Variants in RPS6KA2 observed in about 807,000 individuals in gnomAD.
The protein encoded by RPS6KA2 is ribosomal protein S6 kinase A2, also known as ribosomal protein S6 kinase alpha-2.
RPS6KA2 carries 42 observed loss-of-function variants against 91.8 expected under a neutral mutation model. The ratio of observed to expected loss-of-function variants is 0.46; its 90% CI spans 0.36 to 0.59. The LOEUF (loss-of-function observed/expected upper bound fraction) is 0.59, where lower values mean the gene tolerates loss of function less well. Ranked by LOEUF, RPS6KA2 falls within the 20% of genes least tolerant of loss-of-function variation. RPS6KA2 has a pLI of 0.00. For synonymous variants in RPS6KA2, 414 were observed against 393.6 expected (o/e 1.05, Z -0.61); for missense variants, 798 against 978.5 (o/e 0.82, Z 2.46).
At position 166,635,595 on chromosome 6, in the gene RPS6KA2, T is replaced by C. The variant is rs577242837; in HGVS notation, c.124-96811A>G. Among the ~76,000 whole-genome samples, 9 of 152,082 alleles carry C rather than the reference T, an allele frequency of 5.9e-5. No homozygotes were observed. Among genetic ancestry groups the C allele is most frequent in the Admixed American group, 2.0e-4 (3 of 15,298 alleles). ...CATTTGGCTGCTGTGTGAGGGTGTG[T>C]TGGAGTGGGGACAGGGCAGAAGAGG... is the stretch of plus-strand genomic sequence containing the variant. On this transcript the variant is annotated intron_variant, in intron 2 of 21. Coordinates refer to the RPS6KA2 transcript ENST00000503859. This position sits in a 1 kb window ranked among gnomAD's most constrained non-coding sequence, Gnocchi z 4.8.
chr6:166,721,539 G>C (rs779028588), intron 2 of RPS6KA2, among the ~76,000 whole-genome samples: 14 of 152,236 alleles, frequency 9.2e-5, no homozygotes, highest in Non-Finnish European at 1.6e-4. Context: ...TTTCTTAACA[G>C]AAACTTTCTA....
rs1001438411 is a variant in RPS6KA2 at position 166,448,171 on chromosome 6, C to T, written c.1332+553G>A. Among the ~76,000 whole-genome samples, 4 of 152,170 alleles carry T rather than the reference C, an allele frequency of 2.6e-5. No homozygotes were observed. The highest frequency in any genetic ancestry group is 4.4e-5 in the Non-Finnish European group (3 of 68,040). ...TGTTCTTGACGGTTGGGAGTAAAAC[C>T]ATTAGCTCTCTGCCAAAGTTTGTTG... On this transcript the variant is annotated intron_variant, in intron 14 of 20. Transcript: ENST00000265678. The surrounding 1 kb of genome is among the most constrained non-coding windows in gnomAD (Gnocchi z 4.7).
chr6:166,492,675 G>T (rs1781634002), intron 8 of RPS6KA2, among the ~76,000 whole-genome samples: 1 of 151,894 alleles, frequency 6.6e-6, no homozygotes, highest in African/African-American at 2.4e-5. Flanking sequence ...TTTGCTGATG[G>T]ACTGGTATCT....
chr6:166,525,744 C>T (rs928818104), intron 3 of RPS6KA2, among the ~76,000 whole-genome samples: 7 of 152,192 alleles, frequency 4.6e-5, no homozygotes, highest in Admixed American at 1.3e-4. Flanking sequence ...CCTGGGCTTT[C>T]GGGGTTTTGC....
rs964346037 is a variant in RPS6KA2 at position 166,495,116 on chromosome 6, T to C, written c.747+3392A>G. On this transcript the variant is annotated intron_variant, in intron 8 of 20. Transcript: ENST00000265678. The surrounding 1 kb of genome is among the most constrained non-coding windows in gnomAD (Gnocchi z 4.4). ...CTAAATGAGAATGTGTTTCTGGGAC[T>C]ATTATGTGATCTTGAGCCCGACACT... Among the ~76,000 whole-genome samples the C allele has an allele frequency of 6.6e-6, 1 of 152,246 alleles. No homozygotes were observed. The highest frequency in any genetic ancestry group is 6.5e-5 in the Admixed American group (1 of 15,292).
chr6:166,750,600 C>G (rs981974396), intron 2 of RPS6KA2, among the ~76,000 whole-genome samples: 1 of 152,220 alleles, frequency 6.6e-6, no homozygotes, highest in African/African-American at 2.4e-5. Flanking sequence ...GCTGTCTTCC[C>G]TTCTACTGTG....
chr6:166,786,952 G>A (rs1481488730), intron 2 of RPS6KA2, among the ~76,000 whole-genome samples: 1 of 152,156 alleles, frequency 6.6e-6, no homozygotes, highest in Non-Finnish European at 1.5e-5. Flanking sequence ...ATTTTGCAAT[G>A]TGGGTTTTAA....
rs1415762024 is a variant in RPS6KA2, at chr6:166,612,150, C to T, written c.99+14771G>A. On this transcript the variant is annotated intron_variant, in intron 1 of 20. Coordinates refer to ENST00000265678, the MANE Select transcript of RPS6KA2 (RefSeq NM_021135.6). This position sits in a 1 kb window ranked among gnomAD's most constrained non-coding sequence, Gnocchi z 4.3. ...TCGTCCAACATCAAGATGCAAGGGC[C>T]GCAATCTGAGTGTGAGGGCCAGGGA... Among the ~76,000 whole-genome samples, 5 of 152,040 alleles carry T rather than the reference C, an allele frequency of 3.3e-5. No individual in the cohort carries two copies. The highest frequency in any genetic ancestry group is 1.3e-4 in the Admixed American group (2 of 15,266).
chr6:166,858,617 A>G (rs1181832562), intron 1 of RPS6KA2, among the ~76,000 whole-genome samples: 1 of 152,220 alleles, frequency 6.6e-6, no homozygotes, highest in Non-Finnish European at 1.5e-5. Context: ...TAAAATACGA[A>G]CGGAGCTGAT....
chr6:166,839,075 A>T (rs1780392125), intron 2 of RPS6KA2, among the ~76,000 whole-genome samples: 1 of 152,104 alleles, frequency 6.6e-6, no homozygotes, highest in Admixed American at 6.6e-5. Flanking sequence ...CGATCTTAGG[A>T]TCTGTGCCCT....
At chr6:166,831,910 GGATAGATA>G (rs35847211) in intron 2 of RPS6KA2, among the ~76,000 whole-genome samples, 13 of 150,806 alleles carry the variant, frequency 8.6e-5, no homozygotes, top group Admixed American at 2.0e-4. Context: ...GATGATGGAT[GGATAGATA>G]GACAGATGAT....
chr6:166,671,793 G>A (rs971691150), intron 2 of RPS6KA2, among the ~76,000 whole-genome samples: 13 of 152,310 alleles, frequency 8.5e-5, no homozygotes, highest in African/African-American at 3.1e-4. Flanking sequence ...GAAGGGTGGA[G>A]CTGGACACTG....
intron 2 of RPS6KA2, among the ~76,000 whole-genome samples, chr6:166,813,086 T>G (rs1404467938): frequency 1.4e-4 from 22 of 152,112 alleles, no homozygotes; most frequent in Non-Finnish European, 3.1e-4. Flanking sequence ...GAGGCACTGC[T>G]TCTCACCGTG....
chr6:166,448,985 G>A lies in RPS6KA2; in HGVS notation c.1207-136C>T, dbSNP rs1343140427. The A allele has an allele frequency of 1.1e-5, 11 of 1,015,584 alleles. No individual in the cohort carries two copies. Among genetic ancestry groups the A allele is most frequent in the African/African-American group, 9.6e-5 (6 of 62,646 alleles). The allele number at this position is 1,015,584 out of a possible 1,614,324, so 62.9% of individuals were successfully genotyped here. On this transcript the variant is annotated intron_variant, in intron 13 of 20. Transcript: ENST00000265678. This position sits in a 1 kb window ranked among gnomAD's most constrained non-coding sequence, Gnocchi z 4.7. Reference sequence around the variant, plus strand: ...TGTGTGGAGGCCTGGGAGCTCATGGGTCCCCCTGCCCAAGGCTGCAGAGCT... The same window carrying A: ...TGTGTGGAGGCCTGGGAGCTCATGGATCCCCCTGCCCAAGGCTGCAGAGCT...
chr6:166,621,346 T>C (rs769727065), intron 1 of RPS6KA2, among the ~76,000 whole-genome samples: 2 of 152,210 alleles, frequency 1.3e-5, no homozygotes, highest in African/African-American at 2.4e-5. Flanking sequence ...TGCACCATTA[T>C]TTTCCCCTAG....
chr6:166,702,154 G>T lies in RPS6KA2; in HGVS notation c.123+156046C>A, dbSNP rs1055765164. ...TACGGTGGACATCGATTTTAGACTGGGTCTGTTTGGTGATGTTCCGAATGG... is the reference window on the plus strand; with the variant it reads ...TACGGTGGACATCGATTTTAGACTGTGTCTGTTTGGTGATGTTCCGAATGG... On this transcript the variant is annotated intron_variant, in intron 2 of 21. Transcript: ENST00000503859. The T allele has an allele frequency of 1.3e-5, 20 of 1,587,906 alleles. No individual in the cohort carries two copies. The Admixed American group carries it at 1.8e-4, about 15-fold the overall frequency.
At chr6:166,484,050 G>A (rs531570397) in intron 10 of RPS6KA2, among the ~76,000 whole-genome samples, 3 of 152,306 alleles carry the variant, frequency 2.0e-5, no homozygotes, top group East Asian at 3.9e-4. Context: ...CAGGCACTGC[G>A]GGGGCCAAGG....
chr6:166,799,455 T>A (rs543660622), intron 2 of RPS6KA2, among the ~76,000 whole-genome samples: 6 of 152,144 alleles, frequency 3.9e-5, no homozygotes, highest in Non-Finnish European at 8.8e-5. Context: ...AGGTGATGAA[T>A]AAAGACTTTT....
chr6:166,505,733 G>C (rs1290806852), intron 5 of RPS6KA2, among the ~76,000 whole-genome samples: 1 of 152,188 alleles, frequency 6.6e-6, no homozygotes, highest in Non-Finnish European at 1.5e-5. Context: ...TGACTGGTGG[G>C]TGCCAGCCAC....
Sources: allele counts gnomAD v4.1 joint callset (sites outside exome capture counted in the v4.1 genomes callset), GRCh38; gene constraint gnomAD v4.1.1; non-coding constraint Gnocchi (gnomAD v3.1); transcripts MANE v1.5; gene names NCBI Gene and HGNC (gene_info 2026-07-23, HGNC 2026-07-21).